PRICKLE2: variants seen among roughly 807,000 people sequenced by gnomAD.
The protein encoded by PRICKLE2 is prickle-like protein 2.
PRICKLE2 carries 21 observed loss-of-function variants against 81.4 expected under a neutral mutation model. That is an observed-to-expected ratio of 0.26 (90% CI 0.18 to 0.37). The LOEUF is 0.37. Among genes scored for constraint, PRICKLE2 ranks in the 10% least tolerant of loss-of-function variants. The pLI, the probability that PRICKLE2 is intolerant of heterozygous loss-of-function variation, is 1.00. For missense variants in PRICKLE2, 940 were observed against 1,109.0 expected, an observed-to-expected ratio of 0.85 and a Z score of 2.16; for synonymous variants, 456 against 421.5, an observed-to-expected ratio of 1.08 and a Z score of -1.00.
intron 2 of PRICKLE2, among the ~76,000 whole-genome samples, chr3:64,266,458 C>T (rs1025538727): frequency 6.6e-6 from 1 of 152,200 alleles, no homozygotes; most frequent in South Asian, 2.1e-4. Flanking sequence ...TAGTCAGTGA[C>T]TAAGAACACA....
rs1250093077 is a variant in PRICKLE2 at position 64,163,634 on chromosome 3, G to A, written c.145-505C>T. 4 of 182,994 alleles carry A rather than the reference G, an allele frequency of 2.2e-5. No homozygotes were observed. The East Asian group carries it at 3.9e-4, about 18-fold the overall frequency. The allele number at this position is 182,994 out of a possible 1,614,324, so 11.3% of individuals were successfully genotyped here. A position where few individuals can be genotyped will look rare whatever the true frequency, so the allele number is the denominator to read the frequency against. ...CCTCCAGGTTTCGAGACTTTTGTAA[G>A]GCAGGCAGCAGCTGACATCCATCAG... On this transcript the variant is annotated intron_variant, in intron 2 of 7. Transcript: ENST00000638394.
intron 7 of PRICKLE2, among the ~76,000 whole-genome samples, chr3:64,137,304 T>TA (rs35742787): frequency 5.9e-5 from 9 of 151,950 alleles, no homozygotes; most frequent in African/African-American, 9.7e-5. Flanking sequence ...CACACATTCT[T>TA]AAAAAAAATC....
chr3:64,100,327 A>G (rs1339279749), intron 7 of PRICKLE2: 2 of 187,088 alleles, frequency 1.1e-5, no homozygotes, highest in Non-Finnish European at 2.3e-5. Context: ...TGGATGAGCA[A>G]ACTTTAAGCT....
chr3:64,211,544 C>T (rs1176411006), intron 1 of PRICKLE2, among the ~76,000 whole-genome samples: 2 of 152,058 alleles, frequency 1.3e-5, no homozygotes, highest in South Asian at 2.1e-4. Flanking sequence ...GTGTATATGC[C>T]TGTGTGTGTG....
At chr3:64,115,029 G>A (rs974098631) in intron 7 of PRICKLE2, among the ~76,000 whole-genome samples, 1 of 152,186 alleles carries the variant, frequency 6.6e-6, no homozygotes, top group African/African-American at 2.4e-5. Flanking sequence ...AGCCAGAAAA[G>A]AATGGGGGCC....
chr3:64,253,724 C>G (rs918344804), intron 2 of PRICKLE2, among the ~76,000 whole-genome samples: 3 of 152,094 alleles, frequency 2.0e-5, no homozygotes. Context: ...AATTCTTAAA[C>G]TAAGAAGAAG....
intron 5 of PRICKLE2, 95 bp from the exon 6 acceptor site, chr3:64,153,463 A>G: frequency 8.6e-7 from 1 of 1,168,452 alleles, no homozygotes; most frequent in South Asian, 1.2e-5. Context: ...TAGAAGGGTA[A>G]GAAAGCAGAT....
intron 5 of PRICKLE2, among the ~76,000 whole-genome samples, chr3:64,155,479 C>T (rs753285442): frequency 6.6e-6 from 1 of 152,060 alleles, no homozygotes. Context: ...GACAATTTGG[C>T]ATTCCCTCAA....
intron 7 of PRICKLE2, among the ~76,000 whole-genome samples, chr3:64,131,591 C>G (rs1488085223): frequency 6.6e-6 from 1 of 152,128 alleles, no homozygotes; most frequent in Admixed American, 6.5e-5. Flanking sequence ...CTTGGCTAAG[C>G]CAGGACACCT....
rs926991123 is a variant in PRICKLE2, at chr3:64,125,315, A to T, written c.1660+21515T>A. 7.2e-5 allele frequency among the ~76,000 whole-genome samples: 11 copies of T among 152,352 alleles called. No homozygotes were observed. In the East Asian group the frequency reaches 2.1e-3, roughly 29 times the overall value. ...AACATTGTTGAAATGACAACAAAAGATGTAGAATATTACATAAACCTAGTG... is the reference window on the plus strand; with the variant it reads ...AACATTGTTGAAATGACAACAAAAGTTGTAGAATATTACATAAACCTAGTG... On this transcript the variant is annotated intron_variant, in intron 7 of 7. Transcript: ENST00000638394.
At chr3:64,267,690 C>A (rs1230876713) in intron 2 of PRICKLE2, among the ~76,000 whole-genome samples, 1 of 152,162 alleles carries the variant, frequency 6.6e-6, no homozygotes, top group Non-Finnish European at 1.5e-5. Flanking sequence ...AAAGTGGCTG[C>A]GCGAAAGGTG....
intron 1 of PRICKLE2, among the ~76,000 whole-genome samples, chr3:64,214,911 TC>T (rs1294491064): frequency 2.0e-5 from 3 of 152,114 alleles, no homozygotes; most frequent in Non-Finnish European, 2.9e-5. Context: ...TGAGTCTTAG[TC>T]ATTTATTCAT....
chr3:64,107,227 G>A (rs2076769505), intron 7 of PRICKLE2, among the ~76,000 whole-genome samples: 1 of 152,100 alleles, frequency 6.6e-6, no homozygotes, highest in South Asian at 2.1e-4. Context: ...AGGTGCATTT[G>A]GGGCATTCTA....
intron 7 of PRICKLE2, among the ~76,000 whole-genome samples, chr3:64,110,147 A>C (rs541617438): frequency 3.9e-5 from 6 of 152,386 alleles, no homozygotes; most frequent in Non-Finnish European, 7.3e-5. Flanking sequence ...GCTAATTGAA[A>C]GGATACACAA....
intron 2 of PRICKLE2, among the ~76,000 whole-genome samples, chr3:64,266,316 T>C (rs746657559): frequency 5.9e-5 from 9 of 152,192 alleles, no homozygotes; most frequent in Non-Finnish European, 1.3e-4. Context: ...TAACAAAGTG[T>C]TCCTTTCCTC....
chr3:64,103,430 CA>C (rs1342326652), intron 7 of PRICKLE2: 3 of 152,104 alleles, frequency 2.0e-5, no homozygotes, highest in African/African-American at 7.2e-5. Flanking sequence ...CTTGGACATG[CA>C]AAAAGAATAT....
intron 2 of PRICKLE2, among the ~76,000 whole-genome samples, chr3:64,262,985 T>C (rs985960228): frequency 5.3e-5 from 8 of 152,162 alleles, no homozygotes; most frequent in African/African-American, 1.9e-4. Context: ...GAAAGGGGGT[T>C]CCAGGGTCAC....
chr3:64,219,404 C>G (rs2078917429), intron 1 of PRICKLE2, among the ~76,000 whole-genome samples: 1 of 152,292 alleles, frequency 6.6e-6, no homozygotes, highest in Non-Finnish European at 1.5e-5. Flanking sequence ...TCTCCGAACT[C>G]CCATCTCTCT....
At chr3:64,250,052 C>G (rs892320212) in intron 2 of PRICKLE2, among the ~76,000 whole-genome samples, 34 of 152,304 alleles carry the variant, frequency 2.2e-4, no homozygotes, top group African/African-American at 7.7e-4. Context: ...ACATTCACTT[C>G]CCTTCCCTTT....
Sources: gnomAD v4.1 joint callset for allele counts (sites outside exome capture counted in the v4.1 genomes callset) on GRCh38, gnomAD v4.1.1 for gene constraint, MANE v1.5 for transcripts, NCBI Gene and HGNC (gene_info 2026-07-23, HGNC 2026-07-21) for gene names.